CALN1: variants seen among roughly 807,000 people sequenced by gnomAD.
CALN1 encodes the protein calneuron 1.
A neutral mutation model predicts 30.6 loss-of-function variants in CALN1; 17 were observed. The ratio of observed to expected loss-of-function variants is 0.56; its 90% CI spans 0.38 to 0.83. CALN1 has a LOEUF of 0.83. Ranked by LOEUF, CALN1 falls within the 40% of genes least tolerant of loss-of-function variation. The pLI, the probability that CALN1 is intolerant of heterozygous loss-of-function variation, is 0.00. For synonymous variants in CALN1, 156 were observed against 131.4 expected (o/e 1.19, Z -1.28); for missense variants, 291 against 354.9 (o/e 0.82, Z 1.45).
chr7:72,117,401 C>CGTA (rs1808062260), intron 3 of CALN1, among the ~76,000 whole-genome samples: 5 of 152,110 alleles, frequency 3.3e-5, no homozygotes, highest in African/African-American at 1.2e-4. Context: ...GATGCTATAC[C>CGTA]GGTCAGGCTG....
the CALN1 span, among the ~76,000 whole-genome samples, chr7:72,461,695 T>C: frequency 1.3e-5 from 2 of 152,198 alleles, no homozygotes; most frequent in Non-Finnish European, 2.9e-5. Context: ...CCTGTACTTG[T>C]ATCCCTGGAT....
chr7:71,907,325 C>G (rs1263025340), intron 5 of CALN1, among the ~76,000 whole-genome samples: 1 of 152,066 alleles, frequency 6.6e-6, no homozygotes, highest in Admixed American at 6.6e-5. Flanking sequence ...CTGCACTGCT[C>G]TCCCTGTGAA....
chr7:72,405,838 A>C (rs911848526), intron 1 of CALN1, among the ~76,000 whole-genome samples: 2 of 152,174 alleles, frequency 1.3e-5, no homozygotes, highest in South Asian at 2.1e-4. Flanking sequence ...TTAGCTCCCC[A>C]TATGCAAAAA....
At chr7:71,878,299 G>C (rs1792366302) in intron 5 of CALN1, among the ~76,000 whole-genome samples, 1 of 152,152 alleles carries the variant, frequency 6.6e-6, no homozygotes, top group Non-Finnish European at 1.5e-5. Context: ...CTACTTGGGA[G>C]GTGGAGGCAG....
intron 4 of CALN1, among the ~76,000 whole-genome samples, chr7:72,030,120 TAATTGGGG>T (rs1801340299): frequency 6.6e-6 from 1 of 152,278 alleles, no homozygotes; most frequent in South Asian, 2.1e-4. Flanking sequence ...TGTTTGCAGA[TAATTGGGG>T]AATTTCTTGG....
intron 2 of CALN1, among the ~76,000 whole-genome samples, chr7:72,400,346 A>G (rs773644015): frequency 1.3e-5 from 2 of 152,158 alleles, no homozygotes; most frequent in Non-Finnish European, 2.9e-5. Flanking sequence ...CCATTTAATC[A>G]CTGTCAAACA....
chr7:72,024,883 T>C (rs1450420486), intron 4 of CALN1, among the ~76,000 whole-genome samples: 1 of 152,234 alleles, frequency 6.6e-6, no homozygotes, highest in East Asian at 1.9e-4. Flanking sequence ...ATCTGGTGAA[T>C]TCTCTTTCTC....
At chr7:72,488,890 C>A in the CALN1 span, among the ~76,000 whole-genome samples, 10 of 152,106 alleles carry the variant, frequency 6.6e-5, no homozygotes, top group Admixed American at 6.6e-4. Flanking sequence ...CACTATGTTG[C>A]CCAGGCTTCC....
intron 3 of CALN1, among the ~76,000 whole-genome samples, chr7:72,233,323 C>CTT (rs1030024114): frequency 6.6e-6 from 1 of 151,826 alleles, no homozygotes; most frequent in Non-Finnish European, 1.5e-5. Context: ...AAGGAGAAGA[C>CTT]GGTCTCGGGG....
At chr7:72,487,713 A>AAAG in the CALN1 span, among the ~76,000 whole-genome samples, 163 of 68,284 alleles carry the variant, frequency 2.4e-3, 7 homozygotes, top group African/African-American at 0.011. Context: ...AAAAGAAAAG[A>AAAG]AAAGAAAGAA....
chr7:71,924,570 A>T (rs1229160995), intron 5 of CALN1, among the ~76,000 whole-genome samples: 1 of 152,130 alleles, frequency 6.6e-6, no homozygotes, highest in African/African-American at 2.4e-5. Context: ...AGATAAAACA[A>T]TATCTGAGGT....
chr7:71,812,876 T>C (rs1030750549), intron 5 of CALN1, among the ~76,000 whole-genome samples: 2 of 151,762 alleles, frequency 1.3e-5, no homozygotes, highest in East Asian at 1.9e-4. Flanking sequence ...CCTAAGTAGT[T>C]AGGATGACAG....
At chr7:71,933,935 G>A (rs987750727) in intron 5 of CALN1, among the ~76,000 whole-genome samples, 5 of 152,086 alleles carry the variant, frequency 3.3e-5, no homozygotes, top group African/African-American at 1.2e-4. Flanking sequence ...ACACAAAAGG[G>A]GTGGCAAAGA....
the CALN1 span, among the ~76,000 whole-genome samples, chr7:72,465,070 A>G: frequency 6.6e-6 from 1 of 152,124 alleles, no homozygotes; most frequent in Non-Finnish European, 1.5e-5. Context: ...ACCAAGCCCA[A>G]AAGTCCTGGA....
At position 72,121,256 on chromosome 7, in the gene CALN1, CTAT is replaced by C. The variant is rs1387746976; in HGVS notation, c.245-14965_245-14963del. Among the ~76,000 whole-genome samples the C allele has an allele frequency of 1.3e-4, 17 of 133,374 alleles. No individual in the cohort carries two copies. In the Admixed American group the frequency reaches 1.3e-3, roughly 10 times the overall value. The allele number at this position is 133,374 out of a possible 152,430, so 87.5% of individuals were successfully genotyped here. ...ATAATTAATATATTATAATACATATCTATTATATATCTATATTATATAATAATA... is the reference window on the plus strand; with the variant it reads ...ATAATTAATATATTATAATACATATCTATATATCTATATTATATAATAATA... On this transcript the variant is annotated intron_variant, in intron 3 of 6. Transcript: ENST00000395275.
intron 5 of CALN1, among the ~76,000 whole-genome samples, chr7:71,828,667 TATGTAAGATATATAC>T (rs1381052756): frequency 6.6e-6 from 1 of 150,892 alleles, no homozygotes; most frequent in Non-Finnish European, 1.5e-5. Flanking sequence ...TATATATATA[TATGTAAGATATATAC>T]ATAAGATATA....
At chr7:72,214,605 G>A (rs1345293252) in intron 3 of CALN1, among the ~76,000 whole-genome samples, 3 of 151,992 alleles carry the variant, frequency 2.0e-5, no homozygotes, top group Non-Finnish European at 2.9e-5. Context: ...GTGACAGAGC[G>A]AGATCTTGTC....
intron 4 of CALN1, among the ~76,000 whole-genome samples, chr7:72,030,679 A>G (rs1476066624): frequency 1.3e-5 from 2 of 152,198 alleles, no homozygotes; most frequent in Non-Finnish European, 2.9e-5. Context: ...CCTGATAATC[A>G]TAATAATATC....
intron 3 of CALN1, among the ~76,000 whole-genome samples, chr7:72,182,625 C>A (rs372337609): frequency 6.6e-6 from 1 of 151,760 alleles, no homozygotes; most frequent in East Asian, 1.9e-4. Flanking sequence ...GAGGCTGAGG[C>A]GGGAGAATGG....
Sources: allele counts gnomAD v4.1 joint callset (sites outside exome capture counted in the v4.1 genomes callset), GRCh38; gene constraint gnomAD v4.1.1; transcripts MANE v1.5; gene names NCBI Gene and HGNC (gene_info 2026-07-23, HGNC 2026-07-21).